HTR1E: variants seen among roughly 807,000 people sequenced by gnomAD.
HTR1E encodes the protein 5-HT-1E.
A neutral mutation model predicts 3.4 loss-of-function variants in HTR1E; 3 were observed. The observed-to-expected ratio is 0.89, with a 90% CI of 0.41 to 2.31. The LOEUF (loss-of-function observed/expected upper bound fraction) is 2.31. Ranked by LOEUF, HTR1E falls within the 30% of genes most tolerant of loss-of-function variation. The pLI is 0.05. For synonymous variants in HTR1E, 170 were observed against 182.8 expected (o/e 0.93, Z 0.56); for missense variants, 392 against 467.0 (o/e 0.84, Z 1.48).
At chr6:86,979,795 G>A (rs1158701923) in intron 1 of HTR1E, among the ~76,000 whole-genome samples, 1 of 152,124 alleles carries the variant, frequency 6.6e-6, no homozygotes, top group Non-Finnish European at 1.5e-5. Context: ...CCACAGGGAT[G>A]GTGAAAGAGC....
intron 1 of HTR1E, among the ~76,000 whole-genome samples, chr6:86,954,795 G>T (rs538811569): frequency 6.6e-6 from 1 of 152,144 alleles, no homozygotes; most frequent in East Asian, 1.9e-4. Flanking sequence ...TGAAGTGCCC[G>T]TAGATACTCT....
At chr6:86,997,957 A>C (rs151152985) in intron 1 of HTR1E, among the ~76,000 whole-genome samples, 1,668 of 152,146 alleles carry the variant, frequency 0.011, 31 homozygotes, top group African/African-American at 0.037. Context: ...TATTAATATT[A>C]TACAAACTAA....
At chr6:86,952,570 C>T (rs6916064) in intron 1 of HTR1E, among the ~76,000 whole-genome samples, 5 of 152,038 alleles carry the variant, frequency 3.3e-5, no homozygotes, top group African/African-American at 1.2e-4. Context: ...CCATATATGA[C>T]TTAACCATCT....
chr6:86,971,639 A>G (rs1255410808), intron 1 of HTR1E, among the ~76,000 whole-genome samples: 2 of 151,842 alleles, frequency 1.3e-5, no homozygotes, highest in Non-Finnish European at 2.9e-5. Flanking sequence ...GTCTGAGCAT[A>G]TGTTAACTGG....
At position 86,937,552 on chromosome 6, in the gene HTR1E, AGCGCAGCGCCT is replaced by A. The variant is rs1768482189; in HGVS notation, c.-454_-444del. On this transcript the variant is annotated 5_prime_UTR_variant, in exon 1 of 2. Transcript: ENST00000305344. ...CAGTCCAGGCGCCCAGACTCGGCGA[AGCGCAGCGCCT>A]GCCACCAGCGGTGCCTCGGGCTGCC... The A allele has an allele frequency of 6.6e-6, 1 of 152,642 alleles. No homozygotes were observed. The highest frequency in any genetic ancestry group is 6.5e-5 in the Admixed American group (1 of 15,292). 9.5% of individuals were successfully genotyped at this position (152,642 alleles called of 1,614,324 possible).
intron 1 of HTR1E, among the ~76,000 whole-genome samples, chr6:86,946,620 C>T (rs1480134925): frequency 1.3e-5 from 2 of 152,190 alleles, no homozygotes; most frequent in Admixed American, 6.5e-5. Flanking sequence ...TATGTTTCAG[C>T]TTCTACTCCA....
At chr6:86,959,814 T>C (rs937060163) in intron 1 of HTR1E, among the ~76,000 whole-genome samples, 2 of 152,158 alleles carry the variant, frequency 1.3e-5, no homozygotes, top group East Asian at 3.8e-4. Flanking sequence ...TGTTCAGCCA[T>C]AGGAGCCCTT....
chr6:87,012,903 C>A (rs1321772301), intron 1 of HTR1E, among the ~76,000 whole-genome samples: 1 of 152,182 alleles, frequency 6.6e-6, no homozygotes, highest in Admixed American at 6.5e-5. Flanking sequence ...ATTCAGAGTC[C>A]ATGTGGGTAG....
At chr6:86,982,058 G>A (rs1023646049) in intron 1 of HTR1E, among the ~76,000 whole-genome samples, 35 of 152,206 alleles carry the variant, frequency 2.3e-4, no homozygotes, top group East Asian at 1.9e-4. Context: ...TAAGAACCAG[G>A]TGGGCTGGGC....
chr6:86,995,322 AT>A (rs1767920743), intron 1 of HTR1E, among the ~76,000 whole-genome samples: 3 of 150,678 alleles, frequency 2.0e-5, no homozygotes, highest in African/African-American at 7.3e-5. Flanking sequence ...AAATAAATAA[AT>A]AAAGGTCTAC....
chr6:86,948,323 A>G (rs901305391), intron 1 of HTR1E, among the ~76,000 whole-genome samples: 2 of 152,232 alleles, frequency 1.3e-5, no homozygotes, highest in East Asian at 1.9e-4. Context: ...TGGATATACT[A>G]TATCTTATTT....
At position 87,016,263 on chromosome 6, in the gene HTR1E, A is replaced by G. The variant is rs367991224; in HGVS notation, c.929A>G (p.Lys310Arg). 57 of 1,612,380 alleles carry G rather than the reference A, an allele frequency of 3.5e-5. No individual in the cohort carries two copies. Among genetic ancestry groups the G allele is most frequent in the Non-Finnish European group, 4.2e-5 (49 of 1,179,380 alleles). The part of the protein sequence containing the change: ...FILSWLPFFI[K>R]ELIVGLSIYT... ...TTATCCTGGCTGCCATTTTTCATCAAAGAGTTGATTGTGGGTCTGAGCATC... is the reference window on the plus strand; with the variant it reads ...TTATCCTGGCTGCCATTTTTCATCAGAGAGTTGATTGTGGGTCTGAGCATC... The change falls in exon 2 of 2, where the codon AAA becomes AGA. Residue 310 changes from lysine (K) to arginine (R), a missense_variant. Lys to Arg is a conservative substitution (Grantham distance 26, BLOSUM62 2). Transcript: ENST00000305344.
intron 1 of HTR1E, among the ~76,000 whole-genome samples, chr6:87,014,504 C>CATGT (rs1350497264): frequency 6.6e-6 from 1 of 152,072 alleles, no homozygotes; most frequent in Non-Finnish European, 1.5e-5. Flanking sequence ...GACACATGGA[C>CATGT]ATGTATGTTT....
chr6:86,948,463 G>C (rs1359077746), intron 1 of HTR1E, among the ~76,000 whole-genome samples: 1 of 152,092 alleles, frequency 6.6e-6, no homozygotes, highest in South Asian at 2.1e-4. Flanking sequence ...AAGTAGCAAA[G>C]GAGTCCTTGA....
chr6:87,011,199 TA>T (rs2127833544), intron 1 of HTR1E, among the ~76,000 whole-genome samples: 1 of 152,300 alleles, frequency 6.6e-6, no homozygotes, highest in East Asian at 1.9e-4. Context: ...AGAGGGTGGC[TA>T]AGCTGACAGA....
At chr6:86,978,786 T>C (rs1018906919) in intron 1 of HTR1E, among the ~76,000 whole-genome samples, 5 of 152,232 alleles carry the variant, frequency 3.3e-5, no homozygotes, top group African/African-American at 1.2e-4. Context: ...GAAAGAAATC[T>C]GAAAACACTG....
chr6:86,971,972 C>A (rs1767563387), intron 1 of HTR1E, among the ~76,000 whole-genome samples: 1 of 152,092 alleles, frequency 6.6e-6, no homozygotes, highest in South Asian at 2.1e-4. Flanking sequence ...ATCTACAAGG[C>A]AGATAACCCA....
chr6:86,950,820 A>G (rs1767228267), intron 1 of HTR1E, among the ~76,000 whole-genome samples: 1 of 152,182 alleles, frequency 6.6e-6, no homozygotes, highest in South Asian at 2.1e-4. Context: ...TTAAAATGCT[A>G]TGACAATGCC....
chr6:86,989,970 G>T (rs948695595), intron 1 of HTR1E, among the ~76,000 whole-genome samples: 1 of 152,166 alleles, frequency 6.6e-6, no homozygotes, highest in Admixed American at 6.5e-5. Context: ...ACAGTATCAA[G>T]TGGTCTGAGA....
Sources: allele counts gnomAD v4.1 joint callset (sites outside exome capture counted in the v4.1 genomes callset), GRCh38; gene constraint gnomAD v4.1.1; transcripts MANE v1.5; gene names NCBI Gene and HGNC (gene_info 2026-07-23, HGNC 2026-07-21).